Variants in WWOX observed in about 807,000 individuals in gnomAD.
WWOX encodes the protein WW domain-containing oxidoreductase.
Under a neutral mutation model 46.2 loss-of-function variants are expected in WWOX, and 69 were observed. The observed-to-expected ratio is 1.49, with a 90% CI of 1.23 to 1.82. The LOEUF (loss-of-function observed/expected upper bound fraction) is 1.82, where lower values mean the gene tolerates loss of function less well. Among genes scored for constraint, WWOX ranks in the 40% most tolerant of loss-of-function variants. The probability of loss-of-function intolerance (pLI) is 0.00; values close to 1 mark genes in which losing one functional copy is unlikely to be tolerated. For synonymous variants in WWOX, 359 were observed against 202.6 expected (o/e 1.77, Z -6.56); for missense variants, 919 against 542.6 (o/e 1.69, Z -6.89).
intron 8 of WWOX, among the ~76,000 whole-genome samples, chr16:78,886,176 C>A (rs949267198): frequency 6.6e-6 from 1 of 151,204 alleles, no homozygotes; most frequent in East Asian, 1.9e-4. Flanking sequence ...CCACCCTCCT[C>A]GGCCTCCCAA....
intron 5 of WWOX, among the ~76,000 whole-genome samples, chr16:78,245,929 C>A (rs141703582): frequency 1.3e-5 from 2 of 152,262 alleles, no homozygotes; most frequent in Non-Finnish European, 2.9e-5. Context: ...GAATTCTAAC[C>A]CTCTTGCCAC....
rs187957987 is a variant in WWOX at position 78,405,434 on chromosome 16, T to A, written c.605+18486T>A. On this transcript the variant is annotated intron_variant, in intron 6 of 8. Coordinates refer to ENST00000566780, the MANE Select transcript of WWOX (RefSeq NM_016373.4). Reference sequence around the variant, plus strand: ...TCAAATTGTCGACATGTGACGGTCCTTTCAAATTTAAAGGAATAGCTGATG... The same window carrying A: ...TCAAATTGTCGACATGTGACGGTCCATTCAAATTTAAAGGAATAGCTGATG... Among the ~76,000 whole-genome samples, 91 of 152,368 alleles carry A rather than the reference T, an allele frequency of 6.0e-4. No individual in the cohort carries two copies. In the East Asian group the frequency reaches 0.011, roughly 19 times the overall value.
chr16:78,140,618 T>G lies in WWOX; in HGVS notation c.410-23565T>G, dbSNP rs556929900. 3.9e-5 allele frequency among the ~76,000 whole-genome samples: 6 copies of G among 152,306 alleles called. No homozygotes were observed. The East Asian group carries it at 9.7e-4, about 25-fold the overall frequency. On this transcript the variant is annotated intron_variant, in intron 4 of 8. Coordinates refer to ENST00000566780, the MANE Select transcript of WWOX (RefSeq NM_016373.4). ...CTCCATCTGCACAAGCCATTCTCCCTGTATCTTTTCACATCATCTTCCCTC... is the reference window on the plus strand; with the variant it reads ...CTCCATCTGCACAAGCCATTCTCCCGGTATCTTTTCACATCATCTTCCCTC...
At chr16:78,935,357 A>G (rs1019574197) in intron 8 of WWOX, among the ~76,000 whole-genome samples, 6 of 152,178 alleles carry the variant, frequency 3.9e-5, no homozygotes, top group Non-Finnish European at 8.8e-5. Flanking sequence ...ACCAACTCAG[A>G]TGTTCATCAA....
At chr16:78,667,670 C>CAAAAAAAAAAAAAAAAAAAA (rs35375082) in intron 8 of WWOX, among the ~76,000 whole-genome samples, 1 of 61,306 alleles carries the variant, frequency 1.6e-5, no homozygotes, top group African/African-American at 5.5e-5. Context: ...GACTCCGTCT[C>CAAAAAAAAAAAAAAAAAAAA]AAAAAAAAAA....
At chr16:79,027,482 C>A (rs892652188) in intron 8 of WWOX, among the ~76,000 whole-genome samples, 1 of 151,706 alleles carries the variant, frequency 6.6e-6, no homozygotes, top group Non-Finnish European at 1.5e-5. Context: ...GAGCCTCCAA[C>A]TGAATAAGAA....
intron 5 of WWOX, among the ~76,000 whole-genome samples, chr16:78,279,984 G>A (rs915148687): frequency 2.6e-5 from 4 of 152,176 alleles, no homozygotes; most frequent in East Asian, 3.9e-4. Flanking sequence ...AAATGAATCC[G>A]TTTCCCCTCT....
chr16:79,059,741 C>T (rs199971491), intron 8 of WWOX, among the ~76,000 whole-genome samples: 1 of 152,090 alleles, frequency 6.6e-6, no homozygotes, highest in Admixed American at 6.5e-5. Flanking sequence ...ATTTGGAGGC[C>T]TTGAGAAATG....
At chr16:78,461,285 C>G (rs769674080) in intron 8 of WWOX, among the ~76,000 whole-genome samples, 9 of 152,294 alleles carry the variant, frequency 5.9e-5, no homozygotes, top group African/African-American at 1.2e-4. Context: ...TCCCAGCATT[C>G]TGAGTCATCG....
intron 8 of WWOX, among the ~76,000 whole-genome samples, chr16:79,063,089 C>T (rs1359197403): frequency 1.3e-5 from 2 of 152,188 alleles, no homozygotes; most frequent in African/African-American, 2.4e-5. Context: ...GGTGCCGCGC[C>T]AAATCTCCCA....
At chr16:78,532,999 TCA>T (rs1355678284) in intron 8 of WWOX, among the ~76,000 whole-genome samples, 1 of 151,974 alleles carries the variant, frequency 6.6e-6, no homozygotes, top group African/African-American at 2.4e-5. Context: ...GGCAGGTGAG[TCA>T]CAGGCTGATG....
At chr16:79,069,580 A>G (rs1284779651) in intron 8 of WWOX, among the ~76,000 whole-genome samples, 1 of 151,220 alleles carries the variant, frequency 6.6e-6, no homozygotes, top group Non-Finnish European at 1.5e-5. Context: ...TTTTAAAGCT[A>G]ATAAACAGTG....
At chr16:78,994,746 A>G (rs2046953576) in intron 8 of WWOX, among the ~76,000 whole-genome samples, 1 of 152,018 alleles carries the variant, frequency 6.6e-6, no homozygotes, top group African/African-American at 2.4e-5. Flanking sequence ...TGGCAGGGAA[A>G]CGAAGGCAGA....
chr16:78,888,992 C>T (rs780225373), intron 8 of WWOX, among the ~76,000 whole-genome samples: 2 of 152,054 alleles, frequency 1.3e-5, no homozygotes, highest in Non-Finnish European at 2.9e-5. Context: ...CAGTCCTCCT[C>T]ACCACCTCCA....
At chr16:78,518,454 C>A (rs935953609) in intron 8 of WWOX, among the ~76,000 whole-genome samples, 1 of 152,074 alleles carries the variant, frequency 6.6e-6, no homozygotes, top group African/African-American at 2.4e-5. Context: ...CTCCTGACCT[C>A]AAGTGATCTG....
intron 8 of WWOX, among the ~76,000 whole-genome samples, chr16:78,761,585 T>G (rs1294535448): frequency 6.6e-6 from 1 of 152,120 alleles, no homozygotes; most frequent in Non-Finnish European, 1.5e-5. Flanking sequence ...CTCAGGACTC[T>G]CGCTGGTCTA....
chr16:78,846,860 G>T (rs920858037), intron 8 of WWOX, among the ~76,000 whole-genome samples: 4 of 151,990 alleles, frequency 2.6e-5, no homozygotes, highest in African/African-American at 4.8e-5. Context: ...CTATTTTTTG[G>T]TGGGAATTCT....
intron 8 of WWOX, among the ~76,000 whole-genome samples, chr16:78,459,124 A>G (rs1302414273): frequency 6.6e-6 from 1 of 152,212 alleles, no homozygotes; most frequent in Non-Finnish European, 1.5e-5. Context: ...AGATTAAATG[A>G]AGCTTCCTTT....
chr16:78,815,819 G>A (rs2051314692), intron 8 of WWOX, among the ~76,000 whole-genome samples: 2 of 152,134 alleles, frequency 1.3e-5, no homozygotes, highest in African/African-American at 4.8e-5. Context: ...TTGCTGCTTG[G>A]CTGCCTATGA....
Sources: gnomAD v4.1 joint callset for allele counts (sites outside exome capture counted in the v4.1 genomes callset) on GRCh38, gnomAD v4.1.1 for gene constraint, MANE v1.5 for transcripts, NCBI Gene and HGNC (gene_info 2026-07-23, HGNC 2026-07-21) for gene names.